LRP1B: variants seen among roughly 807,000 people sequenced by gnomAD.
The protein encoded by LRP1B is low-density lipoprotein receptor-related protein 1B.
Under a neutral mutation model 556.6 loss-of-function variants are expected in LRP1B, and 217 were observed. That is an observed-to-expected ratio of 0.39 (90% CI 0.35 to 0.44). The LOEUF (loss-of-function observed/expected upper bound fraction) is 0.44. LRP1B is among the 20% of genes least tolerant of loss of function. The pLI, the probability that LRP1B is intolerant of heterozygous loss-of-function variation, is 1.00. For missense variants in LRP1B, 5,053 were observed against 5,620.8 expected (o/e 0.90, Z 3.23); for synonymous variants, 2,047 against 1,865.8 (o/e 1.10, Z -2.50).
intron 60 of LRP1B, among the ~76,000 whole-genome samples, chr2:140,472,482 T>C (rs1040505431): frequency 2.6e-5 from 4 of 152,006 alleles, no homozygotes; most frequent in Admixed American, 6.6e-5. Context: ...AGCTAGTAAA[T>C]TGACCGATGT....
At chr2:141,002,686 A>G (rs996683350) in intron 15 of LRP1B, among the ~76,000 whole-genome samples, 4 of 152,094 alleles carry the variant, frequency 2.6e-5, no homozygotes, top group African/African-American at 9.7e-5. Flanking sequence ...TGTATTCTAC[A>G]TAGTCTTCTT....
chr2:140,696,740 C>T (rs560808864), intron 41 of LRP1B, among the ~76,000 whole-genome samples: 19 of 152,202 alleles, frequency 1.2e-4, no homozygotes, highest in South Asian at 1.2e-3. Context: ...AGATTGTGTG[C>T]TCCTTTTGAG....
chr2:141,445,436 G>C (rs1354760994), intron 3 of LRP1B, among the ~76,000 whole-genome samples: 1 of 152,128 alleles, frequency 6.6e-6, no homozygotes, highest in Non-Finnish European at 1.5e-5. Flanking sequence ...GTTCTGCTCT[G>C]ATCTTAGTTA....
chr2:141,851,322 TGGTGACCATCCCCTA>T (rs1697848221), intron 1 of LRP1B, among the ~76,000 whole-genome samples: 1 of 151,898 alleles, frequency 6.6e-6, no homozygotes, highest in African/African-American at 2.4e-5. Flanking sequence ...GTTGTCACCT[TGGTGACCATCCCCTA>T]GGTATGTACA....
At chr2:141,887,444 G>T (rs1483090796) in intron 1 of LRP1B, among the ~76,000 whole-genome samples, 1 of 152,118 alleles carries the variant, frequency 6.6e-6, no homozygotes, top group Non-Finnish European at 1.5e-5. Flanking sequence ...GGCTTTTCCT[G>T]TGACACTGTG....
At chr2:141,118,667 T>C (rs898910270) in intron 7 of LRP1B, among the ~76,000 whole-genome samples, 1 of 151,950 alleles carries the variant, frequency 6.6e-6, no homozygotes, top group Non-Finnish European at 1.5e-5. Flanking sequence ...CCACACTGTA[T>C]TCTAAACATT....
chr2:140,478,759 A>G (rs771437424), intron 59 of LRP1B, among the ~76,000 whole-genome samples: 1 of 152,068 alleles, frequency 6.6e-6, no homozygotes, highest in Non-Finnish European at 1.5e-5. Flanking sequence ...TGTCTAAAAG[A>G]AGCAATTACA....
intron 1 of LRP1B, among the ~76,000 whole-genome samples, chr2:142,040,087 G>T (rs2105213309): frequency 6.6e-6 from 1 of 151,500 alleles, no homozygotes; most frequent in South Asian, 2.1e-4. Flanking sequence ...CTCTTCCCCA[G>T]AGTACACTAG....
chr2:142,061,396 T>G (rs2104892789), intron 1 of LRP1B, among the ~76,000 whole-genome samples: 1 of 152,110 alleles, frequency 6.6e-6, no homozygotes, highest in South Asian at 2.1e-4. Flanking sequence ...AACACACTGC[T>G]CTTACAAAGA....
chr2:141,436,315 T>C (rs1680763092), intron 3 of LRP1B, among the ~76,000 whole-genome samples: 1 of 152,090 alleles, frequency 6.6e-6, no homozygotes, highest in Admixed American at 6.6e-5. Context: ...AAGCCAGACA[T>C]AGAAAGACAA....
intron 49 of LRP1B, among the ~76,000 whole-genome samples, chr2:140,521,624 C>A (rs1330784688): frequency 6.6e-6 from 1 of 151,960 alleles, no homozygotes; most frequent in African/African-American, 2.4e-5. Flanking sequence ...AGCAACTACA[C>A]AAATGACACT....
chr2:141,587,802 G>GA (rs1415291794), intron 2 of LRP1B, among the ~76,000 whole-genome samples: 2 of 151,800 alleles, frequency 1.3e-5, no homozygotes, highest in African/African-American at 2.4e-5. Context: ...AACAAAACAA[G>GA]AAAAAACAGT....
Position 140,367,543 on chromosome 2 carries a change from C to A in LRP1B, c.11009-2760G>T, listed in dbSNP as rs79038017. Among the ~76,000 whole-genome samples, 506 of 151,828 alleles carry A rather than the reference C, an allele frequency of 3.3e-3. 3 individuals carry two copies. The highest frequency in any genetic ancestry group is 5.5e-3 in the Non-Finnish European group (372 of 67,826). On this transcript the variant is annotated intron_variant, in intron 71 of 90. Transcript: ENST00000389484. Reference sequence around the variant, plus strand: ...TTCTGCAATGCTGAGCTCCATACTGCTGTATTTACAATTAATCTCAATTAT... The same window carrying A: ...TTCTGCAATGCTGAGCTCCATACTGATGTATTTACAATTAATCTCAATTAT...
At chr2:140,941,569 T>C (rs1216696705) in intron 20 of LRP1B, among the ~76,000 whole-genome samples, 1 of 152,160 alleles carries the variant, frequency 6.6e-6, no homozygotes, top group Non-Finnish European at 1.5e-5. Flanking sequence ...TATTCTTACA[T>C]ACCATCTACT....
At chr2:141,115,451 TG>T (rs1213883230) in intron 7 of LRP1B, among the ~76,000 whole-genome samples, 1 of 104,524 alleles carries the variant, frequency 9.6e-6, no homozygotes, top group East Asian at 2.3e-4. Context: ...AATAGGTTTT[TG>T]TTTTTGTTTT....
At chr2:140,503,980 C>G (rs775277641) in intron 53 of LRP1B, among the ~76,000 whole-genome samples, 1 of 152,076 alleles carries the variant, frequency 6.6e-6, no homozygotes, top group Non-Finnish European at 1.5e-5. Context: ...CTTAGCTACC[C>G]TAGTATTTCT....
At chr2:141,585,293 T>C (rs1487326825) in intron 2 of LRP1B, among the ~76,000 whole-genome samples, 4 of 152,194 alleles carry the variant, frequency 2.6e-5, no homozygotes, top group African/African-American at 9.7e-5. Flanking sequence ...AAATTATAAG[T>C]ATGTTGCCCT....
intron 3 of LRP1B, among the ~76,000 whole-genome samples, chr2:141,380,850 A>G (rs568138213): frequency 6.6e-6 from 1 of 152,234 alleles, no homozygotes; most frequent in Admixed American, 6.5e-5. Flanking sequence ...TCTCTTGAGG[A>G]CAAGTAAGAT....
intron 84 of LRP1B, among the ~76,000 whole-genome samples, chr2:140,285,014 G>C (rs1159435): frequency 0.6 from 63,183 of 105,066 alleles, 15,241 homozygotes; most frequent in African/African-American, 0.72. Flanking sequence ...ATATCTCTCT[G>C]TGTGTGTGTG....
Sources: gnomAD v4.1 joint callset for allele counts (sites outside exome capture counted in the v4.1 genomes callset) on GRCh38, gnomAD v4.1.1 for gene constraint, MANE v1.5 for transcripts, NCBI Gene and HGNC (gene_info 2026-07-23, HGNC 2026-07-21) for gene names.